Variants in EXOC4 observed in about 807,000 individuals in gnomAD.
EXOC4 encodes SEC8-like 1.
EXOC4 carries 71 observed loss-of-function variants against 107.2 expected under a neutral mutation model. That is an observed-to-expected ratio of 0.66 (90% CI 0.55 to 0.81). EXOC4 has a LOEUF of 0.81. EXOC4 is among the 30% of genes least tolerant of loss of function. The pLI, the probability that EXOC4 is intolerant of heterozygous loss-of-function variation, is 0.00. For synonymous variants in EXOC4, 456 were observed against 441.2 expected, an observed-to-expected ratio of 1.03 and a Z score of -0.42; for missense variants, 1,108 against 1,189.6, an observed-to-expected ratio of 0.93 and a Z score of 1.01.
At chr7:133,486,888 A>G (rs917035508) in intron 9 of EXOC4, among the ~76,000 whole-genome samples, 3 of 152,204 alleles carry the variant, frequency 2.0e-5, no homozygotes, top group Admixed American at 1.3e-4. Context: ...TAACTAATAA[A>G]TATACTTTCC....
intron 9 of EXOC4, among the ~76,000 whole-genome samples, chr7:133,555,460 A>G (rs1181485497): frequency 1.3e-5 from 2 of 152,214 alleles, no homozygotes; most frequent in Admixed American, 6.5e-5. Flanking sequence ...CCTAGGGACT[A>G]TTTGAAAGAC....
In EXOC4 at chr7:133,559,067, G is replaced by A. The variant is rs114644195; in HGVS notation, c.1418-70978G>A. ...CTCCAAACTTTGAACTTCCACTTTG[G>A]TGTGCATTTGGTGTTTGTTTTTATC... On this transcript the variant is annotated intron_variant, in intron 9 of 17. Transcript: ENST00000253861. Among the ~76,000 whole-genome samples, 368 of 152,218 alleles carry A rather than the reference G, an allele frequency of 2.4e-3. 5 individuals are homozygous for A. The highest frequency in any genetic ancestry group is 8.3e-3 in the African/African-American group (345 of 41,536).
At chr7:133,996,867 AC>A (rs1464446178) in intron 14 of EXOC4, among the ~76,000 whole-genome samples, 1 of 152,220 alleles carries the variant, frequency 6.6e-6, no homozygotes, top group Non-Finnish European at 1.5e-5. Flanking sequence ...TGGGTGAAGA[AC>A]TGTGGACATT....
At chr7:133,384,556 T>C (rs1204873304) in intron 7 of EXOC4, among the ~76,000 whole-genome samples, 1 of 152,090 alleles carries the variant, frequency 6.6e-6, no homozygotes, top group Non-Finnish European at 1.5e-5. Context: ...TAAGTTGTGG[T>C]GATTAATAGC....
intron 11 of EXOC4, among the ~76,000 whole-genome samples, chr7:133,854,186 C>G (rs114882013): frequency 0.037 from 5,703 of 152,108 alleles, 366 homozygotes; most frequent in African/African-American, 0.13. Flanking sequence ...AGTAGCATCA[C>G]TTTACACATG....
chr7:133,655,871 C>T (rs540830963), intron 10 of EXOC4, among the ~76,000 whole-genome samples: 1 of 152,332 alleles, frequency 6.6e-6, no homozygotes, highest in East Asian at 1.9e-4. Flanking sequence ...AAACCAGTGA[C>T]ATTGTTGTTT....
the EXOC4 span, among the ~76,000 whole-genome samples, chr7:134,071,799 T>A: frequency 2.0e-5 from 3 of 152,154 alleles, no homozygotes; most frequent in African/African-American, 4.8e-5. Flanking sequence ...TATGCTAGAT[T>A]TCTCTCACTG....
intron 14 of EXOC4, among the ~76,000 whole-genome samples, chr7:133,982,791 G>A (rs956292582): frequency 1.1e-4 from 17 of 152,094 alleles, no homozygotes; most frequent in African/African-American, 3.9e-4. Context: ...TGAGAAAGTC[G>A]GAAATATGAA....
In EXOC4 at chr7:133,253,328, C is replaced by T. The variant is rs1794936535; in HGVS notation, c.86+141C>T. On this transcript the variant is annotated intron_variant, in intron 1 of 17. Coordinates refer to ENST00000253861, the MANE Select transcript of EXOC4 (RefSeq NM_021807.4). ...CGCAGCCCCTCCCCAGGGCTCTAACCCCTCCCCAGGGCCCCAGCAATTCCC... is the reference window on the plus strand; with the variant it reads ...CGCAGCCCCTCCCCAGGGCTCTAACTCCTCCCCAGGGCCCCAGCAATTCCC... The T allele has an allele frequency of 1.3e-5, 19 of 1,421,454 alleles. No homozygotes were observed. In the South Asian group the frequency reaches 2.5e-4, roughly 19 times the overall value. The allele number at this position is 1,421,454 out of a possible 1,614,324, so 88.1% of individuals were successfully genotyped here.
Position 133,675,516 on chromosome 7 carries a change from G to A in EXOC4, c.1514+45375G>A, listed in dbSNP as rs148147281. Among the ~76,000 whole-genome samples the A allele has an allele frequency of 2.6e-3, 394 of 152,304 alleles. 1 individual carries two copies. The highest frequency in any genetic ancestry group is 8.9e-3 in the African/African-American group (370 of 41,574). ...TTGAATGCTTAAAATTTGAAACCAGGCAGTGTATTATAGAAACAGTATAGG... is the reference window on the plus strand; with the variant it reads ...TTGAATGCTTAAAATTTGAAACCAGACAGTGTATTATAGAAACAGTATAGG... On this transcript the variant is annotated intron_variant, in intron 10 of 17. Coordinates refer to ENST00000253861, the MANE Select transcript of EXOC4 (RefSeq NM_021807.4).
chr7:133,847,708 G>A (rs1798159527), intron 11 of EXOC4, among the ~76,000 whole-genome samples: 1 of 150,078 alleles, frequency 6.7e-6, no homozygotes, highest in African/African-American at 2.5e-5. Context: ...TTCTTTATTT[G>A]TGGTGGGGAG....
chr7:133,751,982 C>CTAAATAAATAAAT (rs1795802491), intron 10 of EXOC4, among the ~76,000 whole-genome samples: 1 of 124,990 alleles, frequency 8.0e-6, no homozygotes, highest in African/African-American at 2.6e-5. Context: ...ATCTCTCTAC[C>CTAAATAAATAAAT]AAATAAATAA....
At chr7:133,279,719 A>C (rs772101622) in intron 2 of EXOC4, among the ~76,000 whole-genome samples, 1 of 151,940 alleles carries the variant, frequency 6.6e-6, no homozygotes, top group Non-Finnish European at 1.5e-5. Context: ...GGGTCTCCCT[A>C]TGTTACCCAG....
At chr7:133,815,372 C>CA (rs531468167) in intron 10 of EXOC4, among the ~76,000 whole-genome samples, 2,189 of 69,416 alleles carry the variant, frequency 0.032, 78 homozygotes, top group East Asian at 0.25. Flanking sequence ...AAGACTGCTT[C>CA]AAAAAAAAAA....
At chr7:133,268,326 G>C (rs1333811387) in intron 1 of EXOC4, among the ~76,000 whole-genome samples, 1 of 152,188 alleles carries the variant, frequency 6.6e-6, no homozygotes, top group Admixed American at 6.5e-5. Context: ...GGTAGTAAGA[G>C]ACTTTCTTGG....
chr7:133,566,835 G>T (rs1400197439), intron 9 of EXOC4, among the ~76,000 whole-genome samples: 1 of 152,180 alleles, frequency 6.6e-6, no homozygotes, highest in African/African-American at 2.4e-5. Flanking sequence ...TTATGGTTAT[G>T]TGTAGACAAA....
chr7:133,859,146 C>T lies in EXOC4; in HGVS notation c.1735-36453C>T, dbSNP rs552804755. ...TGTGCATCTTCATTTTTCCAAGCAGCCATTAGAGGCAAATGGCACCACAGC... is the reference window on the plus strand; with the variant it reads ...TGTGCATCTTCATTTTTCCAAGCAGTCATTAGAGGCAAATGGCACCACAGC... On this transcript the variant is annotated intron_variant, in intron 11 of 17. Transcript: ENST00000253861. Among the ~76,000 whole-genome samples, 4 of 152,234 alleles carry T rather than the reference C, an allele frequency of 2.6e-5. No homozygotes were observed. The South Asian group carries it at 8.3e-4, about 32-fold the overall frequency.
intron 10 of EXOC4, among the ~76,000 whole-genome samples, chr7:133,674,978 A>G (rs913099695): frequency 1.3e-5 from 2 of 152,338 alleles, no homozygotes; most frequent in South Asian, 4.1e-4. Flanking sequence ...AGGGAGGGAA[A>G]AGACTCAGTC....
chr7:133,509,011 TG>T (rs1690249635), intron 9 of EXOC4, among the ~76,000 whole-genome samples: 1 of 152,218 alleles, frequency 6.6e-6, no homozygotes, highest in Admixed American at 6.5e-5. Flanking sequence ...AACTGCTGGT[TG>T]CTTAGTATCC....
Sources: gnomAD v4.1 joint callset for allele counts (sites outside exome capture counted in the v4.1 genomes callset) on GRCh38, gnomAD v4.1.1 for gene constraint, MANE v1.5 for transcripts, NCBI Gene and HGNC (gene_info 2026-07-23, HGNC 2026-07-21) for gene names.